The following PLXDC2 variants were observed in gnomAD, a reference collection of about 807,000 sequenced individuals.
PLXDC2 encodes the protein plexin domain-containing protein 2.
In PLXDC2, 40 loss-of-function variants were observed where a neutral mutation model predicts 68.9. The observed-to-expected ratio is 0.58, with a 90% CI of 0.45 to 0.76. The LOEUF (loss-of-function observed/expected upper bound fraction) is 0.76. PLXDC2 is among the 30% of genes least tolerant of loss of function. The pLI is 0.00. For synonymous variants in PLXDC2, 243 were observed against 234.2 expected (o/e 1.04, Z -0.34); for missense variants, 644 against 661.9 (o/e 0.97, Z 0.30).
intron 1 of PLXDC2, among the ~76,000 whole-genome samples, chr10:19,867,626 C>T (rs776190319): frequency 6.6e-6 from 1 of 152,244 alleles, no homozygotes; most frequent in South Asian, 2.1e-4. Flanking sequence ...CACAATTTTT[C>T]CTTTATTTCC....
chr10:19,835,314 T>C (rs577926049), intron 1 of PLXDC2, among the ~76,000 whole-genome samples: 18 of 152,020 alleles, frequency 1.2e-4, no homozygotes, highest in African/African-American at 3.4e-4. Flanking sequence ...GAAGGGCAGG[T>C]CTAGAGATAG....
chr10:19,976,454 C>A (rs1834458239), intron 1 of PLXDC2, among the ~76,000 whole-genome samples: 1 of 152,126 alleles, frequency 6.6e-6, no homozygotes, highest in Non-Finnish European at 1.5e-5. Context: ...ACCGCGTGAT[C>A]CACCCTCCTT....
At chr10:20,221,170 T>C (rs1835207160) in intron 12 of PLXDC2, among the ~76,000 whole-genome samples, 1 of 152,142 alleles carries the variant, frequency 6.6e-6, no homozygotes, top group South Asian at 2.1e-4. Context: ...TAGTATGTCA[T>C]GCACTTAATG....
chr10:19,856,936 T>G (rs538920211), intron 1 of PLXDC2, among the ~76,000 whole-genome samples: 1 of 152,326 alleles, frequency 6.6e-6, no homozygotes, highest in South Asian at 2.1e-4. Flanking sequence ...AAGATAGATA[T>G]GTACAAAATA....
At chr10:20,012,508 T>C (rs1835138170) in intron 2 of PLXDC2, among the ~76,000 whole-genome samples, 1 of 150,602 alleles carries the variant, frequency 6.6e-6, no homozygotes, top group African/African-American at 2.4e-5. Flanking sequence ...GTATTTTCAG[T>C]AGAGATGGGG....
intron 1 of PLXDC2, among the ~76,000 whole-genome samples, chr10:19,921,945 T>C (rs550680117): frequency 2.6e-5 from 4 of 152,218 alleles, no homozygotes; most frequent in African/African-American, 9.6e-5. Flanking sequence ...GTAACCTCCG[T>C]CTCCCGAGTT....
intron 1 of PLXDC2, among the ~76,000 whole-genome samples, chr10:19,837,322 G>C (rs1024393237): frequency 4.6e-5 from 7 of 151,736 alleles, no homozygotes; most frequent in Non-Finnish European, 7.4e-5. Context: ...TATCTTTCAG[G>C]ATAGATCATA....
intron 6 of PLXDC2, among the ~76,000 whole-genome samples, chr10:20,148,764 C>G (rs186956363): frequency 8.5e-5 from 13 of 152,226 alleles, no homozygotes; most frequent in African/African-American, 2.9e-4. Context: ...GACTCGATAT[C>G]TTATGTTCAG....
intron 1 of PLXDC2, among the ~76,000 whole-genome samples, chr10:19,979,368 G>A (rs1166974953): frequency 6.7e-6 from 1 of 150,036 alleles, no homozygotes; most frequent in Non-Finnish European, 1.5e-5. Flanking sequence ...TCTATCAATA[G>A]ATAGATAGAT....
chr10:19,908,907 A>G (rs780683122), intron 1 of PLXDC2, among the ~76,000 whole-genome samples: 1 of 152,140 alleles, frequency 6.6e-6, no homozygotes, highest in Non-Finnish European at 1.5e-5. Context: ...TTGCTATATT[A>G]AGACCACCTA....
At chr10:19,940,252 T>A (rs1004072691) in intron 1 of PLXDC2, among the ~76,000 whole-genome samples, 40 of 152,090 alleles carry the variant, frequency 2.6e-4, no homozygotes, top group African/African-American at 9.2e-4. Context: ...ATGTGATTTG[T>A]ACGAAGATGC....
intron 1 of PLXDC2, among the ~76,000 whole-genome samples, chr10:19,862,286 T>C (rs760489494): frequency 1.3e-5 from 2 of 152,202 alleles, no homozygotes; most frequent in Non-Finnish European, 2.9e-5. Flanking sequence ...CAATCACTTA[T>C]GTGCCCAGTT....
intron 4 of PLXDC2, among the ~76,000 whole-genome samples, chr10:20,135,995 C>T (rs1220586585): frequency 1.3e-5 from 2 of 152,174 alleles, no homozygotes; most frequent in Middle Eastern, 3.4e-3. Context: ...AAAATCCCTT[C>T]ATATATTTTA....
chr10:20,077,931 CCTT>C (rs1564306846), intron 4 of PLXDC2, among the ~76,000 whole-genome samples: 2 of 152,098 alleles, frequency 1.3e-5, no homozygotes, highest in African/African-American at 4.8e-5. Context: ...TTCTCCTCCT[CCTT>C]CTCCCCTTCT....
At chr10:19,934,717 G>T (rs1235241949) in intron 1 of PLXDC2, among the ~76,000 whole-genome samples, 1 of 152,178 alleles carries the variant, frequency 6.6e-6, no homozygotes, top group Non-Finnish European at 1.5e-5. Context: ...TTCTAGTTTA[G>T]CAGTGCTTCC....
chr10:20,093,446 G>A (rs1833307471), intron 4 of PLXDC2, among the ~76,000 whole-genome samples: 1 of 152,014 alleles, frequency 6.6e-6, no homozygotes, highest in Admixed American at 6.6e-5. Flanking sequence ...TTCCACCCTT[G>A]CTGAGCTCCA....
At chr10:19,937,380 A>ACC (rs910624986) in intron 1 of PLXDC2, among the ~76,000 whole-genome samples, 3 of 151,718 alleles carry the variant, frequency 2.0e-5, no homozygotes, top group Non-Finnish European at 4.4e-5. Context: ...ACCTGTACTC[A>ACC]ATTTTAAGGG....
At chr10:19,897,364 C>T (rs1407786376) in intron 1 of PLXDC2, among the ~76,000 whole-genome samples, 1 of 152,102 alleles carries the variant, frequency 6.6e-6, no homozygotes, top group African/African-American at 2.4e-5. Context: ...CTCAGCCTCC[C>T]CAGTAGCTGG....
At position 19,816,850 on chromosome 10, in the gene PLXDC2, G is replaced by A. The variant is rs1836351498; in HGVS notation, c.-230G>A. ...AGTGTCGGGTGAGGGCTGCGAGTGT[G>A]GCAAGTTGCAAAGAGAGCCTCAGAG... On this transcript the variant is annotated 5_prime_UTR_variant, in exon 1 of 14. Coordinates refer to ENST00000377252, the MANE Select transcript of PLXDC2 (RefSeq NM_032812.9). The A allele has an allele frequency of 5.2e-6, 3 of 573,984 alleles. No homozygotes were observed. Among genetic ancestry groups the A allele is most frequent in the Non-Finnish European group, 3.1e-6 (1 of 323,350 alleles). 35.6% of individuals were successfully genotyped at this position (573,984 alleles called of 1,614,324 possible). A position where few individuals can be genotyped will look rare whatever the true frequency, so the allele number is the denominator to read the frequency against.
Sources: gnomAD v4.1 joint callset for allele counts (sites outside exome capture counted in the v4.1 genomes callset) on GRCh38, gnomAD v4.1.1 for gene constraint, MANE v1.5 for transcripts, NCBI Gene and HGNC (gene_info 2026-07-23, HGNC 2026-07-21) for gene names.